The following CDH13 variants were observed in gnomAD, a reference collection of about 807,000 sequenced individuals.
CDH13 encodes cadherin 13, also known as cadherin-13.
A neutral mutation model predicts 63.8 loss-of-function variants in CDH13; 24 were observed. That is an observed-to-expected ratio of 0.38 (90% CI 0.27 to 0.53). The LOEUF is 0.53. Ranked by LOEUF, CDH13 falls within the 20% of genes least tolerant of loss-of-function variation. The pLI is 0.85. For synonymous variants in CDH13, 503 were observed against 355.3 expected (o/e 1.42, Z -4.67); for missense variants, 1,049 against 903.1 (o/e 1.16, Z -2.07).
chr16:82,627,173 C>A (rs1387818489), intron 1 of CDH13, 36 bp downstream of exon 1: 3 of 1,569,652 alleles, frequency 1.9e-6, no homozygotes, highest in Non-Finnish European at 2.6e-6. Context: ...GCTCTGCGCC[C>A]CGTTTCTGCA....
intron 4 of CDH13, among the ~76,000 whole-genome samples, chr16:83,129,399 G>C (rs2035950731): frequency 6.6e-6 from 1 of 152,196 alleles, no homozygotes; most frequent in African/African-American, 2.4e-5. Flanking sequence ...TCAAATGAAG[G>C]CAGTTCATTT....
At chr16:82,867,731 A>C (rs1426340587) in intron 2 of CDH13, among the ~76,000 whole-genome samples, 1 of 152,232 alleles carries the variant, frequency 6.6e-6, no homozygotes, top group Non-Finnish European at 1.5e-5. Context: ...GGTGTTTTGC[A>C]TCCTAAGGGA....
intron 3 of CDH13, among the ~76,000 whole-genome samples, chr16:83,054,449 C>G (rs55672374): frequency 0.086 from 13,052 of 152,224 alleles, 777 homozygotes; most frequent in African/African-American, 0.18. Flanking sequence ...AACTACACAG[C>G]TACTGAGTAA....
chr16:82,939,348 G>C (rs1049770189), intron 2 of CDH13, among the ~76,000 whole-genome samples: 1 of 152,032 alleles, frequency 6.6e-6, no homozygotes, highest in Non-Finnish European at 1.5e-5. Context: ...GCTTGAGCCA[G>C]GGAGACGGAG....
At chr16:83,107,396 T>C (rs561062841) in intron 3 of CDH13, among the ~76,000 whole-genome samples, 1 of 152,306 alleles carries the variant, frequency 6.6e-6, no homozygotes, top group Non-Finnish European at 1.5e-5. Flanking sequence ...AGGTGCTCAA[T>C]AAATACTTGT....
At chr16:83,483,759 T>G (rs1367433513) in intron 6 of CDH13, among the ~76,000 whole-genome samples, 2 of 152,176 alleles carry the variant, frequency 1.3e-5, no homozygotes, top group Non-Finnish European at 2.9e-5. Flanking sequence ...AATCTGCCTC[T>G]GATTTCTGAT....
intron 10 of CDH13, among the ~76,000 whole-genome samples, chr16:83,746,336 T>C (rs563088366): frequency 1.9e-4 from 29 of 152,196 alleles, no homozygotes; most frequent in Non-Finnish European, 3.2e-4. Flanking sequence ...GGTCGTGTGG[T>C]CTTCTCCTTT....
intron 6 of CDH13, among the ~76,000 whole-genome samples, chr16:83,380,704 G>A (rs1008825977): frequency 6.6e-6 from 1 of 152,058 alleles, no homozygotes; most frequent in Admixed American, 6.6e-5. Context: ...CCATATTCTA[G>A]ACCAACAGTA....
intron 7 of CDH13, among the ~76,000 whole-genome samples, chr16:83,496,071 A>G (rs937213591): frequency 6.6e-6 from 1 of 151,704 alleles, no homozygotes; most frequent in Non-Finnish European, 1.5e-5. Context: ...TATCGTGAAA[A>G]TGGCCATACT....
chr16:83,095,295 A>G (rs79363162), intron 3 of CDH13, among the ~76,000 whole-genome samples: 10,473 of 152,240 alleles, frequency 0.069, 596 homozygotes, highest in African/African-American at 0.15. Flanking sequence ...CCACTGGTAT[A>G]TCAACATGGT....
chr16:83,185,193 G>T (rs77714051), intron 4 of CDH13, among the ~76,000 whole-genome samples: 1,896 of 152,222 alleles, frequency 0.012, 61 homozygotes, highest in South Asian at 0.11. Context: ...TTCCAAGTCT[G>T]TGCTCTTTGC....
intron 7 of CDH13, among the ~76,000 whole-genome samples, chr16:83,585,210 C>T (rs755307782): frequency 4.6e-5 from 7 of 152,194 alleles, no homozygotes; most frequent in Non-Finnish European, 7.4e-5. Context: ...TGCTGGTAAC[C>T]TGGGACCTCC....
chr16:83,193,763 G>A (rs999351166), intron 4 of CDH13, among the ~76,000 whole-genome samples: 2 of 152,052 alleles, frequency 1.3e-5, no homozygotes, highest in African/African-American at 2.4e-5. Context: ...ATTCACCTTG[G>A]CATAGACAAG....
chr16:82,756,961 C>T (rs1012729413), intron 1 of CDH13, among the ~76,000 whole-genome samples: 2 of 152,212 alleles, frequency 1.3e-5, no homozygotes, highest in African/African-American at 4.8e-5. Flanking sequence ...TCATCTATAT[C>T]AGTGGCTGGC....
chr16:82,761,432 G>A (rs898591594), intron 1 of CDH13, among the ~76,000 whole-genome samples: 10 of 152,080 alleles, frequency 6.6e-5, no homozygotes, highest in Non-Finnish European at 1.3e-4. Context: ...ACAGAGTGTG[G>A]GGCAGCCAGC....
At chr16:83,326,845 C>G (rs912978195) in intron 5 of CDH13, among the ~76,000 whole-genome samples, 1 of 152,164 alleles carries the variant, frequency 6.6e-6, no homozygotes. Context: ...TGTGCCCTGT[C>G]TGTACTCCTA....
chr16:82,684,489 C>G (rs564712134), intron 1 of CDH13, among the ~76,000 whole-genome samples: 22 of 152,240 alleles, frequency 1.4e-4, no homozygotes, highest in African/African-American at 4.3e-4. Flanking sequence ...TTAGTGATGT[C>G]TGCCATGTGC....
intron 10 of CDH13, among the ~76,000 whole-genome samples, chr16:83,688,416 C>T (rs1904524212): frequency 6.6e-6 from 1 of 152,126 alleles, no homozygotes; most frequent in Non-Finnish European, 1.5e-5. Context: ...GGTTTCAAAA[C>T]CAGATTTAAG....
At chr16:82,881,376 T>A (rs1218303347) in intron 2 of CDH13, among the ~76,000 whole-genome samples, 2 of 152,112 alleles carry the variant, frequency 1.3e-5, no homozygotes, top group African/African-American at 4.8e-5. Context: ...AGCTGGAGTC[T>A]GACAGTCTTA....
Sources: allele counts gnomAD v4.1 joint callset (sites outside exome capture counted in the v4.1 genomes callset), GRCh38; gene constraint gnomAD v4.1.1; transcripts MANE v1.5; gene names NCBI Gene and HGNC (gene_info 2026-07-23, HGNC 2026-07-21).